Variants in SCNN1D observed in about 807,000 individuals in gnomAD.
The protein encoded by SCNN1D is epithelial sodium channel subunit delta.
In SCNN1D, 104 loss-of-function variants were observed where a neutral mutation model predicts 87.8. That is an observed-to-expected ratio of 1.18 (90% CI 1.01 to 1.39). The LOEUF is 1.39. Ranked by LOEUF, SCNN1D falls within the 40% of genes most tolerant of loss-of-function variation. The pLI is 0.00. For missense variants in SCNN1D, 1,324 were observed against 1,093.9 expected (o/e 1.21, Z -2.97); for synonymous variants, 628 against 481.2 (o/e 1.31, Z -3.99).
chr1:1,282,500 C>G (rs1480285712), intron 4 of SCNN1D, among the ~76,000 whole-genome samples, 185 bp downstream of exon 4: 1 of 152,194 alleles, frequency 6.6e-6, no homozygotes, highest in South Asian at 2.1e-4. Flanking sequence ...ACCTGGATAT[C>G]TAGGGTCCCA....
In SCNN1D at chr1:1,291,882, CGT is replaced by C. The variant is rs979057883; in HGVS notation, c.*277_*278del. The stretch of plus-strand genomic sequence containing the variant: ...GACACGCGGTGATGTACCCATGCTC[CGT>C]GTGTCTGTGTCTGCATGTCCACACG... On this transcript the variant is annotated 3_prime_UTR_variant, in exon 18 of 18. Coordinates refer to ENST00000379116, the MANE Select transcript of SCNN1D (RefSeq NM_001130413.4). The C allele has an allele frequency of 5.5e-6, 2 of 366,502 alleles. No homozygotes were observed. Among genetic ancestry groups the C allele is most frequent in the African/African-American group, 2.1e-5 (1 of 48,004 alleles). The allele number at this position is 366,502 out of a possible 1,614,324, so 22.7% of individuals were successfully genotyped here.
In SCNN1D at chr1:1,281,657, G is replaced by T. The variant is rs561813592; in HGVS notation, c.277+47G>T. 9 of 1,503,018 alleles carry T rather than the reference G, an allele frequency of 6.0e-6. No homozygotes were observed. In the East Asian group the frequency reaches 7.4e-5, roughly 12 times the overall value. 93.1% of individuals were successfully genotyped at this position (1,503,018 alleles called of 1,614,324 possible). A position where few individuals can be genotyped will look rare whatever the true frequency, so the allele number is the denominator to read the frequency against. The stretch of plus-strand genomic sequence containing the variant: ...GAGGCCTTGCCCGGGAGGAGGGGAG[G>T]GGGGTGGAGCCGGGAGCTGCGTGAT... On this transcript the variant is annotated intron_variant, in intron 3 of 17. Transcript: ENST00000379116.
chr1:1,291,397 G>C lies in SCNN1D; in HGVS notation c.2196G>C (p.Ala732=). ...TAGGCGGCCGCCGGCTCCGCAGGGCGTGGTTCTCCTGGCCCAGAGCCAGCC... is the reference window on the plus strand; with the variant it reads ...TAGGCGGCCGCCGGCTCCGCAGGGCCTGGTTCTCCTGGCCCAGAGCCAGCC... ...LVLGGRRLRR[A]WFSWPRASPA... Residue 732 remains alanine (A), a synonymous_variant, in exon 18 of 18, where the codon GCG becomes GCC. Coordinates refer to ENST00000379116, the MANE Select transcript of SCNN1D (RefSeq NM_001130413.4). 2 of 1,608,558 alleles carry C rather than the reference G, an allele frequency of 1.2e-6. No individual in the cohort carries two copies. Among genetic ancestry groups the C allele is most frequent in the Non-Finnish European group, 1.7e-6 (2 of 1,178,422 alleles).
Position 1,287,255 on chromosome 1 carries a change from C to T in SCNN1D, c.1266C>T (p.His422=), listed in dbSNP as rs1640615298. Residue 422 remains histidine (H), a synonymous_variant, in exon 9 of 18, where the codon CAC becomes CAT. Transcript: ENST00000379116. The part of the protein sequence containing the change: ...WEDSHGSQDG[H]FVLSCSYDGL... The stretch of plus-strand genomic sequence containing the variant: ...ACAGCCACGGGAGCCAGGACGGCCA[C>T]TTCGTCCTCTCCTGCAGTTACGATG... 6.2e-7 allele frequency: 1 copy of T among 1,610,342 alleles called. No homozygotes were observed. Among genetic ancestry groups the T allele is most frequent in the African/African-American group, 1.3e-5 (1 of 75,028 alleles).
Position 1,287,547 on chromosome 1 carries a change from C to G in SCNN1D, c.1350C>G (p.Cys450Trp). 1 of 1,546,318 alleles carries G rather than the reference C, an allele frequency of 6.5e-7. No individual in the cohort carries two copies. Among genetic ancestry groups the G allele is most frequent in the Non-Finnish European group, 8.7e-7 (1 of 1,143,516 alleles). Residue 450 changes from cysteine (C) to tryptophan (W), a missense_variant, in exon 10 of 18, where the codon TGC (cysteine) becomes TGG (tryptophan). Physicochemically the swap from Cys to Trp is radical, Grantham distance 215. Coordinates refer to ENST00000379116, the MANE Select transcript of SCNN1D (RefSeq NM_001130413.4). ...TCCACCACCCCACCTACGGCAGCTG[C>G]TACACGGTCGATGGCGTCTGGACAG... ...RTFHHPTYGSCYTVDGVWTAQ... is the reference protein window; with the variant it reads ...RTFHHPTYGSWYTVDGVWTAQ...
intron 12 of SCNN1D, among the ~76,000 whole-genome samples, chr1:1,288,769 T>C (rs867547257): frequency 1.8e-3 from 2 of 1,140 alleles, no homozygotes; most frequent in Admixed American, 0.01. Flanking sequence ...GTGTCCCTGC[T>C]CCGTCCCGTG....
Position 1,285,599 on chromosome 1 carries a change from C to G in SCNN1D, c.493C>G (p.Pro165Ala). The change falls in exon 6 of 18, where the codon CCC becomes GCC. Residue 165 changes from proline to alanine, a missense_variant. Coordinates refer to ENST00000379116, the MANE Select transcript of SCNN1D (RefSeq NM_001130413.4). ...RSPGPVAPQRPCHLKGWQHRP... is the reference protein window; with the variant it reads ...RSPGPVAPQRACHLKGWQHRP... Reference sequence around the variant, plus strand: ...GCCTGGGCCTGTGGCTCCCCAGAGGCCCTGCCACCTGAAGGGATGGCAGCA... The same window carrying G: ...GCCTGGGCCTGTGGCTCCCCAGAGGGCCTGCCACCTGAAGGGATGGCAGCA... 6.5e-7 allele frequency: 1 copy of G among 1,544,404 alleles called. No individual in the cohort carries two copies. Among genetic ancestry groups the G allele is most frequent in the African/African-American group, 1.4e-5 (1 of 72,940 alleles).
chr1:1,282,228 T>C lies in SCNN1D; in HGVS notation c.278-14T>C, dbSNP rs948974113. The C allele has an allele frequency of 1.9e-5, 26 of 1,389,238 alleles. No homozygotes were observed. Among genetic ancestry groups the C allele is most frequent in the Non-Finnish European group, 2.5e-5 (25 of 1,000,230 alleles). 86.1% of individuals were successfully genotyped at this position (1,389,238 alleles called of 1,614,324 possible). ...AAGGCCACACAGCCAGTGACGAAGCTGTGATTCACACAGGCCTGGGTGACT... is the reference window on the plus strand; with the variant it reads ...AAGGCCACACAGCCAGTGACGAAGCCGTGATTCACACAGGCCTGGGTGACT... On this transcript the variant is annotated splice_polypyrimidine_tract_variant and intron_variant, in intron 3 of 17. Coordinates refer to ENST00000379116, the MANE Select transcript of SCNN1D (RefSeq NM_001130413.4).
intron 12 of SCNN1D, among the ~76,000 whole-genome samples, chr1:1,288,260 T>TGTCTCTGCTCCGTCCCCCGA (rs1168600739): frequency 3.6e-5 from 4 of 111,692 alleles, no homozygotes; most frequent in Non-Finnish European, 7.0e-5. Context: ...CTCCGTCCCG[T>TGTCTCTGCTCCGTCCCCCGA]GTCTCTGCTC....
chr1:1,285,411 C>T (rs1382419287), intron 5 of SCNN1D, among the ~76,000 whole-genome samples, 160 bp from the exon 6 acceptor site: 1 of 152,246 alleles, frequency 6.6e-6, no homozygotes, highest in African/African-American at 2.4e-5. Context: ...CAGACGCTTC[C>T]TGGACTTGGC....
In SCNN1D at chr1:1,281,517, G is replaced by A. The variant is rs367655185; in HGVS notation, c.184G>A (p.Gly62Arg). The change falls in exon 3 of 18, where the codon GGG (glycine) becomes AGG (arginine). Residue 62 changes from glycine to arginine, a missense_variant. Coordinates refer to ENST00000379116, the MANE Select transcript of SCNN1D (RefSeq NM_001130413.4). ...GCCAGCGAGGGGATGGCCCAGAAGA[G>A]GGGGAGGACCATGTGGATTCACCAG... ...TGPARGWPRR[G>R]GGPCGFTSAG... 4.2e-4 allele frequency: 643 copies of A among 1,535,326 alleles called. 7 individuals carry two copies. In the South Asian group the frequency reaches 5.6e-3, roughly 13 times the overall value.
At chr1:1,285,530 G>A (rs972195083) in intron 5 of SCNN1D, 41 bp from the exon 6 acceptor site, 77 of 1,353,504 alleles carry the variant, frequency 5.7e-5, no homozygotes, top group Non-Finnish European at 6.8e-5. Flanking sequence ...CAGACCCCAC[G>A]CGGGGCGCAT....
intron 4 of SCNN1D, among the ~76,000 whole-genome samples, chr1:1,283,060 T>C (rs1640502738): frequency 6.6e-6 from 1 of 152,014 alleles, no homozygotes; most frequent in African/African-American, 2.4e-5. Flanking sequence ...TGGTCGTGAG[T>C]CACTTCCATG....
intron 12 of SCNN1D, among the ~76,000 whole-genome samples, chr1:1,288,605 TCCCCCGTGTCTCTGCTCCGTCC>T (rs1640688158): frequency 9.9e-4 from 3 of 3,018 alleles, no homozygotes; most frequent in East Asian, 0.011. Context: ...CTCTGCTCCG[TCCCCCGTGTCTCTGCTCCGTCC>T]CCCGTGTCTC....
At chr1:1,283,186 G>A (rs1570601462) in intron 4 of SCNN1D, among the ~76,000 whole-genome samples, 3 of 152,160 alleles carry the variant, frequency 2.0e-5, no homozygotes, top group Non-Finnish European at 4.4e-5. Context: ...CAGGGAGGGC[G>A]AGCCCCTGTG....
Position 1,282,128 on chromosome 1 carries a change from C to T in SCNN1D, c.278-114C>T, listed in dbSNP as rs1196480736. The stretch of plus-strand genomic sequence containing the variant: ...CTCTGTGACATCAGCAAGCCCCCTG[C>T]CGCGAGCTTGGAGAGGCACCCCAGC... On this transcript the variant is annotated intron_variant, in intron 3 of 17. Coordinates refer to ENST00000379116, the MANE Select transcript of SCNN1D (RefSeq NM_001130413.4). 5.9e-6 allele frequency: 4 copies of T among 675,486 alleles called. No individual in the cohort carries two copies. In the East Asian group the frequency reaches 8.2e-5, roughly 14 times the overall value. The allele number at this position is 675,486 out of a possible 1,614,324, so 41.8% of individuals were successfully genotyped here. A position where few individuals can be genotyped will look rare whatever the true frequency, so the allele number is the denominator to read the frequency against.
intron 4 of SCNN1D, 149 bp from the exon 5 acceptor site, chr1:1,283,829 C>A: frequency 2.3e-6 from 1 of 441,740 alleles, no homozygotes; most frequent in Non-Finnish European, 4.0e-6. Context: ...CTGCAGGGCT[C>A]AGGATGGGAA....
chr1:1,288,059 G>C, intron 12 of SCNN1D, 22 bp downstream of exon 12: 2 of 1,499,854 alleles, frequency 1.3e-6, no homozygotes, highest in Non-Finnish European at 1.8e-6. Flanking sequence ...CTGGCAGGGG[G>C]TGCGGGGGCA....
chr1:1,286,497 G>A (rs1640595284), intron 7 of SCNN1D, among the ~76,000 whole-genome samples: 1 of 152,166 alleles, frequency 6.6e-6, no homozygotes, highest in Non-Finnish European at 1.5e-5. Context: ...CCCCCTGGAG[G>A]GACACCAGGG....
Sources: gnomAD v4.1 joint callset for allele counts (sites outside exome capture counted in the v4.1 genomes callset) on GRCh38, gnomAD v4.1.1 for gene constraint, MANE v1.5 for transcripts, NCBI Gene and HGNC (gene_info 2026-07-23, HGNC 2026-07-21) for gene names.